TFEC: variants seen among roughly 807,000 people sequenced by gnomAD.
TFEC encodes class E basic helix-loop-helix protein 34.
Under a neutral mutation model 41.6 loss-of-function variants are expected in TFEC, and 31 were observed. That is an observed-to-expected ratio of 0.74 (90% CI 0.56 to 1.01). The LOEUF (loss-of-function observed/expected upper bound fraction) is 1.01. Among genes scored for constraint, TFEC ranks in the 50% least tolerant of loss-of-function variants. TFEC has a pLI of 0.00. For synonymous variants in TFEC, 143 were observed against 140.6 expected, an observed-to-expected ratio of 1.02 and a Z score of -0.12; for missense variants, 402 against 404.1, an observed-to-expected ratio of 0.99 and a Z score of 0.04.
At chr7:116,155,103 A>T (rs183407969) in intron 1 of TFEC, among the ~76,000 whole-genome samples, 1 of 152,154 alleles carries the variant, frequency 6.6e-6, no homozygotes, top group Non-Finnish European at 1.5e-5. Flanking sequence ...AATTCTCTCT[A>T]TTAGATTCAC....
At chr7:115,993,054 G>T (rs117731689) in intron 1 of TFEC, among the ~76,000 whole-genome samples, 2 of 151,948 alleles carry the variant, frequency 1.3e-5, no homozygotes, top group African/African-American at 4.8e-5. Flanking sequence ...TTCAACATAC[G>T]CAAAAATCAA....
At chr7:116,046,414 CAG>C (rs1796165823) in intron 3 of TFEC, among the ~76,000 whole-genome samples, 1 of 152,144 alleles carries the variant, frequency 6.6e-6, no homozygotes, top group Admixed American at 6.5e-5. Flanking sequence ...ATGGGTTTAT[CAG>C]AGGTTTCCAT....
intron 3 of TFEC, among the ~76,000 whole-genome samples, chr7:116,092,806 T>C (rs1436603265): frequency 2.0e-5 from 3 of 152,168 alleles, no homozygotes; most frequent in Admixed American, 6.6e-5. Context: ...GTCACCTCGA[T>C]AGTCACTGAG....
chr7:116,043,718 G>C (rs1403431000), intron 3 of TFEC, among the ~76,000 whole-genome samples: 2 of 152,156 alleles, frequency 1.3e-5, no homozygotes, highest in Non-Finnish European at 2.9e-5. Flanking sequence ...TCTGAGTATT[G>C]AACAGAGTGT....
At chr7:116,119,930 T>C (rs972537847) in intron 1 of TFEC, among the ~76,000 whole-genome samples, 2 of 151,094 alleles carry the variant, frequency 1.3e-5, no homozygotes, top group African/African-American at 4.9e-5. Context: ...GAATAGTTAA[T>C]TACATTGGAA....
At chr7:116,135,643 C>G (rs376437311) in intron 1 of TFEC, among the ~76,000 whole-genome samples, 1 of 152,076 alleles carries the variant, frequency 6.6e-6, no homozygotes, top group Non-Finnish European at 1.5e-5. Context: ...GCACTTCTAC[C>G]CTCTTTTTAA....
At chr7:116,068,964 A>G (rs565710684) in intron 3 of TFEC, among the ~76,000 whole-genome samples, 42 of 151,780 alleles carry the variant, frequency 2.8e-4, no homozygotes, top group Non-Finnish European at 5.0e-4. Flanking sequence ...AAATGAGAAC[A>G]CAACTTGAAG....
chr7:116,013,387 A>G (rs1328581909), intron 1 of TFEC, among the ~76,000 whole-genome samples: 1 of 152,140 alleles, frequency 6.6e-6, no homozygotes, highest in African/African-American at 2.4e-5. Flanking sequence ...AAAGAAGCAC[A>G]CTTTTGATTT....
rs1409855882 is a variant in TFEC at position 116,123,545 on chromosome 7, C to T, written c.-68-11507G>A. Among the ~76,000 whole-genome samples the T allele has an allele frequency of 2.6e-5, 4 of 152,104 alleles. 1 individual carries two copies. The highest frequency in any genetic ancestry group is 6.8e-3 in the Middle Eastern group (2 of 294). On this transcript the variant is annotated intron_variant, in intron 1 of 8. Coordinates refer to the TFEC transcript ENST00000484212. ...CTACAAAAAAAAAATTGAATGCTTA[C>T]GTGGATCCTGTTGTCACTTATATCA...
At chr7:116,134,044 T>G (rs1054567487) in intron 1 of TFEC, among the ~76,000 whole-genome samples, 2 of 152,208 alleles carry the variant, frequency 1.3e-5, no homozygotes, top group Non-Finnish European at 2.9e-5. Context: ...ACTAAAAGCT[T>G]AAGCTAAAAA....
chr7:116,141,087 C>T (rs1040563925), intron 1 of TFEC, among the ~76,000 whole-genome samples: 2 of 152,058 alleles, frequency 1.3e-5, no homozygotes, highest in Non-Finnish European at 2.9e-5. Flanking sequence ...AGATGCATAC[C>T]TATTAAAATT....
chr7:116,153,311 A>C (rs114981480), intron 1 of TFEC, among the ~76,000 whole-genome samples: 4,387 of 152,230 alleles, frequency 0.029, 205 homozygotes, highest in African/African-American at 0.099. Context: ...ACTGGAGTGC[A>C]CTGGCGCAAT....
In TFEC at chr7:116,030,741, C is replaced by T. The variant is rs1201034790; in HGVS notation, c.-181G>A. On this transcript the variant is annotated 5_prime_UTR_variant, in exon 1 of 8. Coordinates refer to ENST00000265440, the MANE Select transcript of TFEC (RefSeq NM_012252.4). Reference sequence around the variant, plus strand: ...TGCCAGAAGGGACAACCAAAGTAAACGATCTAGCCGTGAGTAATGAATACT... The same window carrying T: ...TGCCAGAAGGGACAACCAAAGTAAATGATCTAGCCGTGAGTAATGAATACT... 4 of 985,188 alleles carry T rather than the reference C, an allele frequency of 4.1e-6. No homozygotes were observed. The highest frequency in any genetic ancestry group is 4.8e-6 in the Non-Finnish European group (4 of 829,932). 61.0% of individuals were successfully genotyped at this position (985,188 alleles called of 1,614,324 possible).
intron 6 of TFEC, among the ~76,000 whole-genome samples, chr7:115,949,916 C>G (rs959567862): frequency 6.6e-6 from 1 of 151,966 alleles, no homozygotes; most frequent in Non-Finnish European, 1.5e-5. Context: ...AACAGGCAAC[C>G]TACAAAATGG....
intron 1 of TFEC, among the ~76,000 whole-genome samples, chr7:116,008,514 T>A (rs1354294604): frequency 6.6e-6 from 1 of 152,142 alleles, no homozygotes; most frequent in African/African-American, 2.4e-5. Flanking sequence ...CACAAGTGAA[T>A]AATAGGTAAC....
chr7:116,060,832 A>C (rs1435979875), intron 3 of TFEC, among the ~76,000 whole-genome samples: 2 of 152,040 alleles, frequency 1.3e-5, no homozygotes, highest in African/African-American at 4.8e-5. Context: ...CTATATAACA[A>C]ACCTTCACAT....
intron 7 of TFEC, chr7:115,941,393 G>A (rs1793489225): frequency 6.1e-6 from 1 of 163,106 alleles, no homozygotes; most frequent in Admixed American, 6.3e-5. Context: ...ATGAACAGAT[G>A]AGAAGTGACT....
intron 3 of TFEC, among the ~76,000 whole-genome samples, chr7:115,963,938 A>G (rs888110104): frequency 4.0e-5 from 6 of 151,694 alleles, no homozygotes; most frequent in African/African-American, 1.4e-4. Context: ...TTTTACCCCA[A>G]TATAAAAACA....
chr7:116,062,921 G>A (rs776205297), intron 3 of TFEC, among the ~76,000 whole-genome samples: 2 of 152,040 alleles, frequency 1.3e-5, no homozygotes, highest in Admixed American at 6.6e-5. Context: ...TCCACCATAT[G>A]ACCCAGCCAT....
Sources: allele counts gnomAD v4.1 joint callset (sites outside exome capture counted in the v4.1 genomes callset), GRCh38; gene constraint gnomAD v4.1.1; transcripts MANE v1.5; gene names NCBI Gene and HGNC (gene_info 2026-07-23, HGNC 2026-07-21).